GPHN: variants seen among roughly 807,000 people sequenced by gnomAD.
GPHN encodes the protein gephyrin.
Under a neutral mutation model 95.5 loss-of-function variants are expected in GPHN, and 17 were observed. The ratio of observed to expected loss-of-function variants is 0.18; its 90% CI spans 0.12 to 0.27. GPHN has a LOEUF of 0.27. GPHN is among the 10% of genes least tolerant of loss of function. GPHN has a pLI of 1.00. For synonymous variants in GPHN, 320 were observed against 322.5 expected, an observed-to-expected ratio of 0.99 and a Z score of 0.08; for missense variants, 660 against 978.1, an observed-to-expected ratio of 0.67 and a Z score of 4.34.
chr14:67,419,765 C>T, the GPHN span, among the ~76,000 whole-genome samples: 370 of 151,708 alleles, frequency 2.4e-3, 2 homozygotes, highest in African/African-American at 8.7e-3. Flanking sequence ...AGGAGAATGG[C>T]GTGAACCTGG....
intron 9 of GPHN, among the ~76,000 whole-genome samples, chr14:67,004,967 A>G (rs1594789314): frequency 6.6e-6 from 1 of 151,706 alleles, no homozygotes; most frequent in African/African-American, 2.4e-5. Flanking sequence ...GGCTTTATTG[A>G]GTTACCTAAT....
At chr14:66,574,584 G>C (rs547206196) in intron 1 of GPHN, among the ~76,000 whole-genome samples, 7 of 152,298 alleles carry the variant, frequency 4.6e-5, no homozygotes, top group East Asian at 1.9e-4. Context: ...TAGGTGTGGT[G>C]GATAATTTTA....
In GPHN at chr14:66,508,484, G is replaced by C. The variant is rs201725497; in HGVS notation, c.-44G>C. 3.4e-4 allele frequency: 546 copies of C among 1,597,240 alleles called. 3 individuals carry two copies. The African/African-American group carries it at 6.6e-3, about 19-fold the overall frequency. ...TCCCGGCCCGCGCGCTCCGGGCTCCGGTTTCTCCCGGCTCCTGTCAGTGCG... is the reference window on the plus strand; with the variant it reads ...TCCCGGCCCGCGCGCTCCGGGCTCCCGTTTCTCCCGGCTCCTGTCAGTGCG... On this transcript the variant is annotated 5_prime_UTR_variant, in exon 1 of 23. Coordinates refer to ENST00000478722, the MANE Select transcript of GPHN (RefSeq NM_020806.5).
intron 17 of GPHN, among the ~76,000 whole-genome samples, chr14:67,124,969 A>G (rs1595256996): frequency 1.3e-5 from 2 of 152,174 alleles, no homozygotes; most frequent in African/African-American, 4.8e-5. Context: ...TTTCCTAATA[A>G]TGGTGATATT....
intron 3 of GPHN, among the ~76,000 whole-genome samples, chr14:66,815,110 G>C (rs151206415): frequency 5.7e-4 from 86 of 151,964 alleles, no homozygotes; most frequent in African/African-American, 1.8e-3. Flanking sequence ...GACAAGAATA[G>C]AAAGGGAAAA....
At chr14:66,676,979 T>C (rs2066636057) in intron 1 of GPHN, among the ~76,000 whole-genome samples, 1 of 152,040 alleles carries the variant, frequency 6.6e-6, no homozygotes, top group Non-Finnish European at 1.5e-5. Context: ...ATTATTGATC[T>C]GCTCAGGTTT....
the GPHN span, chr14:67,335,149 C>CT: frequency 3.3e-5 from 5 of 152,320 alleles, no homozygotes. Context: ...TCAGTGAAGT[C>CT]TATCAATCAT....
chr14:67,507,096 G>A, the GPHN span, among the ~76,000 whole-genome samples: 2 of 152,290 alleles, frequency 1.3e-5, no homozygotes, highest in East Asian at 3.9e-4. Flanking sequence ...GAGTTCCTGG[G>A]CTGAGTATAT....
chr14:67,615,651 GA>G, the GPHN span: 3 of 532,194 alleles, frequency 5.6e-6, no homozygotes, highest in Non-Finnish European at 3.7e-6. Context: ...CTGCTAAAGA[GA>G]AAGGACAATT....
chr14:67,209,082 T>G, the GPHN span, among the ~76,000 whole-genome samples: 1 of 152,176 alleles, frequency 6.6e-6, no homozygotes. Flanking sequence ...AGAGGAAAGA[T>G]CATTTATTGT....
At chr14:67,377,633 T>C in the GPHN span, among the ~76,000 whole-genome samples, 1 of 152,240 alleles carries the variant, frequency 6.6e-6, no homozygotes, top group East Asian at 1.9e-4. Flanking sequence ...TTGCCACCTA[T>C]GCCCAGCTGC....
At chr14:67,559,282 CCT>C in the GPHN span, among the ~76,000 whole-genome samples, 7 of 152,104 alleles carry the variant, frequency 4.6e-5, no homozygotes, top group Non-Finnish European at 1.0e-4. Flanking sequence ...TGACAAGTCA[CCT>C]CTCTCTCCCT....
intron 3 of GPHN, among the ~76,000 whole-genome samples, chr14:66,805,335 A>G (rs1332769647): frequency 6.6e-6 from 1 of 152,160 alleles, no homozygotes; most frequent in Non-Finnish European, 1.5e-5. Flanking sequence ...GGAATTCAAG[A>G]TGAAATTTGG....
At chr14:67,563,707 G>C in the GPHN span, among the ~76,000 whole-genome samples, 1 of 143,060 alleles carries the variant, frequency 7.0e-6, no homozygotes, top group African/African-American at 2.6e-5. Flanking sequence ...TGCTGGGATT[G>C]TAAGTATGAG....
Position 66,673,219 on chromosome 14 carries a change from A to G in GPHN, c.65-7888A>G, listed in dbSNP as rs112997457. 3.6e-3 allele frequency among the ~76,000 whole-genome samples: 555 copies of G among 152,110 alleles called. 12 individuals carry two copies. The highest frequency in any genetic ancestry group is 0.013 in the African/African-American group (529 of 41,484). On this transcript the variant is annotated intron_variant, in intron 1 of 22. Coordinates refer to ENST00000478722, the MANE Select transcript of GPHN (RefSeq NM_020806.5). ...GCGATTCTCCTGCCTCAGCCTCCCT[A>G]GTAGCTGGGACTACCAGTGCGTGCC...
At chr14:67,023,055 A>G (rs1457017421) in intron 9 of GPHN, among the ~76,000 whole-genome samples, 2 of 152,096 alleles carry the variant, frequency 1.3e-5, no homozygotes, top group Non-Finnish European at 2.9e-5. Flanking sequence ...CATAATCAAT[A>G]TTATAACTAT....
At chr14:67,625,703 A>T in the GPHN span, among the ~76,000 whole-genome samples, 1 of 148,282 alleles carries the variant, frequency 6.7e-6, no homozygotes, top group African/African-American at 2.5e-5. Flanking sequence ...AAAAAAAAGA[A>T]ACTGGAAAGA....
At chr14:67,732,020 A>G in the GPHN span, among the ~76,000 whole-genome samples, 4 of 151,236 alleles carry the variant, frequency 2.6e-5, no homozygotes, top group African/African-American at 9.7e-5. Flanking sequence ...CCAGCCACTC[A>G]GGAGGCTGAG....
At chr14:66,805,948 C>T (rs1208771572) in intron 3 of GPHN, among the ~76,000 whole-genome samples, 2 of 152,202 alleles carry the variant, frequency 1.3e-5, no homozygotes, top group Non-Finnish European at 2.9e-5. Context: ...CCAGTAGGGA[C>T]CCTGTGGAGG....
Sources: gnomAD v4.1 joint callset for allele counts (sites outside exome capture counted in the v4.1 genomes callset) on GRCh38, gnomAD v4.1.1 for gene constraint, MANE v1.5 for transcripts, NCBI Gene and HGNC (gene_info 2026-07-23, HGNC 2026-07-21) for gene names.